NAV2: variants seen among roughly 807,000 people sequenced by gnomAD.
NAV2 encodes neuron navigator 2, also known as helicase, APC down-regulated 1.
In NAV2, 54 loss-of-function variants were observed where a neutral mutation model predicts 223.2. The ratio of observed to expected loss-of-function variants is 0.24; its 90% CI spans 0.19 to 0.30. The LOEUF (loss-of-function observed/expected upper bound fraction) is 0.30. Ranked by LOEUF, NAV2 falls within the 10% of genes least tolerant of loss-of-function variation. The pLI is 1.00. For missense variants in NAV2, 2,806 were observed against 3,147.5 expected (o/e 0.89, Z 2.60); for synonymous variants, 1,279 against 1,239.3 (o/e 1.03, Z -0.67).
chr11:20,045,251 G>T lies in NAV2; in HGVS notation c.3483G>T (p.Arg1161=). The change falls in exon 14 of 38, where the codon CGG becomes CGT. Residue 1161 remains arginine (R), a synonymous_variant. Transcript: ENST00000349880. The stretch of plus-strand genomic sequence containing the variant: ...CAAAGTCATCTGCACTCGTCAGTCG[G>T]TCTGCTGGTCGGAAGTCAAGTATGG... ...KIPKSSALVS[R]SAGRKSSMDG... is the part of the protein sequence containing the mutation. The T allele has an allele frequency of 1.2e-6, 2 of 1,614,194 alleles. No individual in the cohort carries two copies. Among genetic ancestry groups the T allele is most frequent in the Non-Finnish European group, 1.7e-6 (2 of 1,180,028 alleles).
chr11:19,382,229 A>G (rs918114555), intron 1 of NAV2, among the ~76,000 whole-genome samples: 4 of 152,332 alleles, frequency 2.6e-5, no homozygotes, highest in Admixed American at 1.3e-4. Context: ...CTGCAACACC[A>G]TGTTCCCAGT....
rs61042119 is a variant in NAV2 at position 19,936,617 on chromosome 11, G to A, written c.2033+2340G>A. ...GCTGGAAATAAGAGCACCAGGATAC[G>A]AATCAGGACACCTGGGCCCTGTCCT... On this transcript the variant is annotated intron_variant, in intron 7 of 37. Transcript: ENST00000349880. Among the ~76,000 whole-genome samples, 141 of 152,268 alleles carry A rather than the reference G, an allele frequency of 9.3e-4. 1 individual carries two copies. The highest frequency in any genetic ancestry group is 3.3e-3 in the African/African-American group (136 of 41,560).
At chr11:19,650,168 A>T (rs2047930161) in intron 1 of NAV2, among the ~76,000 whole-genome samples, 1 of 152,258 alleles carries the variant, frequency 6.6e-6, no homozygotes, top group Admixed American at 6.5e-5. Flanking sequence ...TAATCAAGTT[A>T]AGATGAGATC....
At chr11:19,798,714 G>A (rs1285261200) in intron 1 of NAV2, among the ~76,000 whole-genome samples, 3 of 152,180 alleles carry the variant, frequency 2.0e-5, no homozygotes, top group African/African-American at 7.2e-5. Context: ...CTGCCTTCAT[G>A]TGTTCCCATT....
rs2050025001 is a variant in NAV2, at chr11:19,713,658, C to T, written c.-38C>T. ...TTAGCGGTCGCCCCCGCCGCCGCTG[C>T]CAGGGACGTGCTGGGAAAGCCCAAG... On this transcript the variant is annotated 5_prime_UTR_variant, in exon 1 of 38. Coordinates refer to ENST00000349880, the MANE Select transcript of NAV2 (RefSeq NM_145117.5). The surrounding 1 kb of genome is among the most constrained non-coding windows in gnomAD (Gnocchi z 7.2). 14 of 1,504,636 alleles carry T rather than the reference C, an allele frequency of 9.3e-6. No individual in the cohort carries two copies. The highest frequency in any genetic ancestry group is 1.2e-5 in the Non-Finnish European group (14 of 1,126,034). 93.2% of individuals were successfully genotyped at this position (1,504,636 alleles called of 1,614,324 possible).
At chr11:19,787,510 T>A (rs1381862648) in intron 1 of NAV2, among the ~76,000 whole-genome samples, 1 of 152,126 alleles carries the variant, frequency 6.6e-6, no homozygotes, top group African/African-American at 2.4e-5. Context: ...TGTAATGCAT[T>A]GATTTCAGAA....
At chr11:19,741,760 G>A (rs1439906457) in intron 1 of NAV2, among the ~76,000 whole-genome samples, 10 of 143,510 alleles carry the variant, frequency 7.0e-5, no homozygotes, top group African/African-American at 2.4e-4. Flanking sequence ...TCCGTTGATA[G>A]ACATTTATGT....
chr11:20,002,619 G>A (rs2052660528), intron 11 of NAV2, among the ~76,000 whole-genome samples: 1 of 152,130 alleles, frequency 6.6e-6, no homozygotes, highest in Non-Finnish European at 1.5e-5. Context: ...TGTGCGGGAG[G>A]GATGGAGAAA....
At chr11:19,554,863 C>G (rs1452998573) in intron 1 of NAV2, among the ~76,000 whole-genome samples, 1 of 151,900 alleles carries the variant, frequency 6.6e-6, no homozygotes, top group Non-Finnish European at 1.5e-5. Flanking sequence ...AGGAGAATCA[C>G]TTGAACCCGG....
chr11:19,534,390 T>A (rs111578848), intron 1 of NAV2, among the ~76,000 whole-genome samples: 37 of 152,264 alleles, frequency 2.4e-4, no homozygotes, highest in African/African-American at 7.2e-4. Flanking sequence ...TGAACACATG[T>A]TGAGCACCTA....
chr11:19,948,909 C>G lies in NAV2; in HGVS notation c.2474C>G (p.Ala825Gly). ...GAGTCAGGTCGCTATGTGTACTCCG[C>G]CCCTCTGAGAAGGCAGCTGGCCTCC... ...NTESGRYVYS[A>G]PLRRQLASRG... is the part of the protein sequence containing the mutation. Residue 825 changes from alanine (A) to glycine (G), a missense_variant, in exon 10 of 38, where the codon GCC (alanine) becomes GGC (glycine). Physicochemically the swap from Ala to Gly is moderately conservative, Grantham distance 60. This residue lies in a region of NAV2 where 1,167 missense variants were observed against 1,180.5 expected (regional missense o/e 0.99). Transcript: ENST00000349880. The G allele has an allele frequency of 6.2e-7, 1 of 1,614,142 alleles. No individual in the cohort carries two copies. Among genetic ancestry groups the G allele is most frequent in the Non-Finnish European group, 8.5e-7 (1 of 1,180,030 alleles).
intron 1 of NAV2, among the ~76,000 whole-genome samples, chr11:19,658,325 C>T (rs10766577): frequency 0.86 from 131,189 of 152,156 alleles, 57,712 homozygotes; most frequent in Middle Eastern, 0.96. Flanking sequence ...ACTTAACACA[C>T]AGAAACTCAT....
intron 1 of NAV2, among the ~76,000 whole-genome samples, chr11:19,490,310 G>A (rs1385637917): frequency 6.6e-6 from 1 of 152,140 alleles, no homozygotes; most frequent in Non-Finnish European, 1.5e-5. Flanking sequence ...TTTCACAAAA[G>A]ATTTCTCTGT....
intron 1 of NAV2, among the ~76,000 whole-genome samples, chr11:19,743,592 C>T (rs2053052234): frequency 6.6e-6 from 1 of 152,236 alleles, no homozygotes; most frequent in East Asian, 1.9e-4. Context: ...CAAAGGACAA[C>T]ATTCTGGGTC....
At chr11:20,069,283 G>A (rs575835542) in intron 22 of NAV2, among the ~76,000 whole-genome samples, 4 of 152,222 alleles carry the variant, frequency 2.6e-5, no homozygotes. Context: ...CTCAGTAGGT[G>A]GGTGTAATTA....
intron 1 of NAV2, among the ~76,000 whole-genome samples, chr11:19,626,420 G>A (rs1346254708): frequency 6.6e-6 from 1 of 152,160 alleles, no homozygotes; most frequent in African/African-American, 2.4e-5. Flanking sequence ...ATGTGGTTTT[G>A]GTTGCTACAG....
chr11:19,602,837 T>TG (rs71050677), intron 1 of NAV2, among the ~76,000 whole-genome samples: 152,342 of 152,344 alleles, frequency 1, 76,170 homozygotes, highest in Middle Eastern at 1. Flanking sequence ...ATCTCATCTA[T>TG]ACCATTAACT....
chr11:19,800,890 C>T (rs2058212199), intron 1 of NAV2, among the ~76,000 whole-genome samples: 1 of 152,126 alleles, frequency 6.6e-6, no homozygotes. Context: ...AGAAAATTTC[C>T]CCATCCTAGA....
intron 1 of NAV2, among the ~76,000 whole-genome samples, chr11:19,738,764 G>A (rs1419508939): frequency 6.6e-6 from 1 of 152,174 alleles, no homozygotes; most frequent in Non-Finnish European, 1.5e-5. Flanking sequence ...AGAGATGAAA[G>A]GTAAGGCTTC....
Sources: gnomAD v4.1 joint callset for allele counts (sites outside exome capture counted in the v4.1 genomes callset) on GRCh38, gnomAD v4.1.1 for gene constraint, gnomAD v4.1.1 regional missense constraint, Gnocchi (gnomAD v3.1) non-coding constraint, MANE v1.5 for transcripts, NCBI Gene and HGNC (gene_info 2026-07-23, HGNC 2026-07-21) for gene names.